CYP26B1: variants seen among roughly 807,000 people sequenced by gnomAD.
CYP26B1 encodes the protein cytochrome P450 family 26 subfamily B member 1, also known as cytochrome P450 26B1.
In CYP26B1, 8 loss-of-function variants were observed where a neutral mutation model predicts 39.1. The observed-to-expected ratio is 0.20, with a 90% CI of 0.12 to 0.37. The LOEUF (loss-of-function observed/expected upper bound fraction) is 0.37. Ranked by LOEUF, CYP26B1 falls within the 10% of genes least tolerant of loss-of-function variation. CYP26B1 has a pLI of 1.00. For missense variants in CYP26B1, 615 were observed against 707.0 expected (o/e 0.87, Z 1.48); for synonymous variants, 321 against 314.3 (o/e 1.02, Z -0.23).
Position 72,133,259 on chromosome 2 carries a change from C to T in CYP26B1, c.910G>A (p.Ala304Thr), listed in dbSNP as rs1265502262. ...AGCTGCATGATGAGTGAGGTGCTGG[C>T]GCTGGCCGTGGTGGCATAGGCCGCA... ...IFAAYATTAS[A>T]STSLIMQLLK... Residue 304 changes from alanine (A) to threonine (T), a missense_variant, in exon 5 of 6, where the codon GCC becomes ACC. Coordinates refer to ENST00000001146, the MANE Select transcript of CYP26B1 (RefSeq NM_019885.4). 7 of 1,610,782 alleles carry T rather than the reference C, an allele frequency of 4.3e-6. No individual in the cohort carries two copies. Among genetic ancestry groups the T allele is most frequent in the African/African-American group, 2.7e-5 (2 of 74,944 alleles).
chr2:72,140,475 A>G (rs1353289462), intron 2 of CYP26B1, among the ~76,000 whole-genome samples: 1 of 152,258 alleles, frequency 6.6e-6, no homozygotes, highest in Non-Finnish European at 1.5e-5. Context: ...TCCCAGCAGC[A>G]GAGCTGCCTG....
chr2:72,141,903 A>G (rs1276354506), intron 2 of CYP26B1, among the ~76,000 whole-genome samples: 1 of 152,132 alleles, frequency 6.6e-6, no homozygotes, highest in Non-Finnish European at 1.5e-5. Context: ...CCACGTGGCA[A>G]GCATAAAACT....
At position 72,144,008 on chromosome 2, in the gene CYP26B1, A is replaced by C; in HGVS notation, c.410T>G (p.Ile137Ser). Residue 137 changes from isoleucine to serine, a missense_variant, in exon 2 of 6, where the codon ATC (isoleucine) becomes AGC (serine). Transcript: ENST00000001146. ...TCTTACCTTGCGCTTGTTGCGGTGGATGTCGCCAATGGAATTGGACACCGT... is the reference window on the plus strand; with the variant it reads ...TCTTACCTTGCGCTTGTTGCGGTGGCTGTCGCCAATGGAATTGGACACCGT... ...PNTVSNSIGD[I>S]HRNKRKVFSK... 1 of 1,613,560 alleles carries C rather than the reference A, an allele frequency of 6.2e-7. No homozygotes were observed. Among genetic ancestry groups the C allele is most frequent in the Non-Finnish European group, 8.5e-7 (1 of 1,180,008 alleles).
chr2:72,147,765 G>C lies in CYP26B1; in HGVS notation c.70C>G (p.Leu24Val). The C allele has an allele frequency of 1.3e-6, 2 of 1,582,104 alleles. No individual in the cohort carries two copies. The highest frequency in any genetic ancestry group is 1.7e-6 in the Non-Finnish European group (2 of 1,165,182). Residue 24 changes from leucine to valine, a missense_variant, in exon 1 of 6, where the codon CTG becomes GTG. Leu to Val is a conservative substitution (Grantham distance 32). Coordinates refer to ENST00000001146, the MANE Select transcript of CYP26B1 (RefSeq NM_019885.4). The surrounding 1 kb of genome is among the most constrained non-coding windows in gnomAD (Gnocchi z 6.1). ...AGCTGCTGCGACACGGCCAGCAGCA[G>C]CGTCACGGACACCAGGCACGCGGCG... ...TLAACLVSVTLLLAVSQQLWQ... is the reference protein window; with the variant it reads ...TLAACLVSVTVLLAVSQQLWQ...
chr2:72,147,585 C>G lies in CYP26B1; in HGVS notation c.204+46G>C, dbSNP rs1238513315. The G allele has an allele frequency of 3.2e-6, 5 of 1,555,574 alleles. No homozygotes were observed. Among genetic ancestry groups the G allele is most frequent in the South Asian group, 1.2e-5 (1 of 84,372 alleles). On this transcript the variant is annotated intron_variant, in intron 1 of 5. Transcript: ENST00000001146. The surrounding 1 kb of genome is among the most constrained non-coding windows in gnomAD (Gnocchi z 6.1). ...CCCGCCGCTCCGTCTGCCCCGCGCT[C>G]GCAGCTAGCGGACCCCGGAGTGCAG...
Position 72,129,874 on chromosome 2 carries a change from A to C in CYP26B1, c.*2353T>G, listed in dbSNP as rs1412656685. On this transcript the variant is annotated 3_prime_UTR_variant, in exon 6 of 6. Coordinates refer to ENST00000001146, the MANE Select transcript of CYP26B1 (RefSeq NM_019885.4). Reference sequence around the variant, plus strand: ...CACAGACACGGGCATCTCACTAGAGAGCTGAAAGGAGGGACCAATTACAAC... The same window carrying C: ...CACAGACACGGGCATCTCACTAGAGCGCTGAAAGGAGGGACCAATTACAAC... 1.3e-5 allele frequency: 2 copies of C among 152,226 alleles called. No homozygotes were observed. Among genetic ancestry groups the C allele is most frequent in the Non-Finnish European group, 2.9e-5 (2 of 68,044 alleles). The allele number at this position is 152,226 out of a possible 1,614,324, so 9.4% of individuals were successfully genotyped here.
chr2:72,134,280 G>A (rs947684316), intron 4 of CYP26B1, among the ~76,000 whole-genome samples: 9 of 149,834 alleles, frequency 6.0e-5, no homozygotes, highest in Non-Finnish European at 8.9e-5. Context: ...CAGGTCCTGC[G>A]TGGAGCACAG....
At chr2:72,145,230 C>T (rs541543291) in intron 1 of CYP26B1, among the ~76,000 whole-genome samples, 61 of 152,358 alleles carry the variant, frequency 4.0e-4, no homozygotes, top group African/African-American at 1.4e-3. Context: ...CCCCCTAGCC[C>T]GGGTTGGTCC....
intron 2 of CYP26B1, 102 bp downstream of exon 2, chr2:72,143,887 A>C: frequency 7.2e-7 from 1 of 1,385,706 alleles, no homozygotes; most frequent in Non-Finnish European, 1.0e-6. Flanking sequence ...TGGTGTGCAA[A>C]GGGGGGCACA....
chr2:72,144,840 G>C (rs185181480), intron 1 of CYP26B1, among the ~76,000 whole-genome samples: 5 of 152,294 alleles, frequency 3.3e-5, no homozygotes, highest in Non-Finnish European at 5.9e-5. Flanking sequence ...TGCCGCCCTG[G>C]AGTTTGGAAC....
chr2:72,136,056 C>A (rs528208064), intron 2 of CYP26B1, among the ~76,000 whole-genome samples: 1 of 146,676 alleles, frequency 6.8e-6, no homozygotes, highest in Admixed American at 7.0e-5. Flanking sequence ...CCTTGTCCTC[C>A]GTCCTCCCGG....
chr2:72,134,346 G>A (rs1446369786), intron 4 of CYP26B1, among the ~76,000 whole-genome samples: 5 of 148,234 alleles, frequency 3.4e-5, no homozygotes, highest in East Asian at 4.1e-4. Flanking sequence ...CATGCAAGGC[G>A]CCAGCAACCT....
intron 2 of CYP26B1, among the ~76,000 whole-genome samples, chr2:72,140,701 C>A (rs1676919683): frequency 6.6e-6 from 1 of 152,226 alleles, no homozygotes; most frequent in South Asian, 2.1e-4. Context: ...AACACAGACC[C>A]CAGGAGCACA....
Position 72,147,518 on chromosome 2 carries a change from G to T in CYP26B1, c.204+113C>A. On this transcript the variant is annotated intron_variant, in intron 1 of 5. Coordinates refer to ENST00000001146, the MANE Select transcript of CYP26B1 (RefSeq NM_019885.4). This position sits in a 1 kb window ranked among gnomAD's most constrained non-coding sequence, Gnocchi z 6.1. ...CGGCAGAGAGGAGGGAAGGGGCGGGGCGGGGACCAGTGCCTTCAGGCTCCC... is the reference window on the plus strand; with the variant it reads ...CGGCAGAGAGGAGGGAAGGGGCGGGTCGGGGACCAGTGCCTTCAGGCTCCC... 2 of 1,069,962 alleles carry T rather than the reference G, an allele frequency of 1.9e-6. No individual in the cohort carries two copies. The highest frequency in any genetic ancestry group is 2.6e-6 in the Non-Finnish European group (2 of 779,218). The allele number at this position is 1,069,962 out of a possible 1,614,324, so 66.3% of individuals were successfully genotyped here. A position where few individuals can be genotyped will look rare whatever the true frequency, so the allele number is the denominator to read the frequency against.
At chr2:72,143,934 C>T in intron 2 of CYP26B1, 55 bp downstream of exon 2, 1 of 1,599,744 alleles carries the variant, frequency 6.3e-7, no homozygotes, top group Non-Finnish European at 8.5e-7. Flanking sequence ...TCCAGGAACT[C>T]CTTGCCCCGA....
At chr2:72,132,989 C>T (rs777234851) in intron 5 of CYP26B1, 34 bp downstream of exon 5, 4 of 1,612,820 alleles carry the variant, frequency 2.5e-6, no homozygotes, top group Non-Finnish European at 3.4e-6. Context: ...CCCCTGCTCC[C>T]CCATCGCCCC....
At chr2:72,142,613 C>T (rs1003971105) in intron 2 of CYP26B1, among the ~76,000 whole-genome samples, 3 of 152,202 alleles carry the variant, frequency 2.0e-5, no homozygotes, top group Non-Finnish European at 2.9e-5. Context: ...GGAGCCGAGT[C>T]TCCACTCTCC....
Position 72,133,265 on chromosome 2 carries a change from C to A in CYP26B1, c.904G>T (p.Ala302Ser), listed in dbSNP as rs1676651963. Reference protein sequence around the residue: ...ELIFAAYATTASASTSLIMQL... With the variant: ...ELIFAAYATTSSASTSLIMQL... ...ATGATGAGTGAGGTGCTGGCGCTGG[C>A]CGTGGTGGCATAGGCCGCAAAGATC... is the stretch of plus-strand genomic sequence containing the variant. Residue 302 changes from alanine (A) to serine (S), a missense_variant, in exon 5 of 6, where the codon GCC (alanine) becomes TCC (serine). Coordinates refer to ENST00000001146, the MANE Select transcript of CYP26B1 (RefSeq NM_019885.4). 3.7e-6 allele frequency: 6 copies of A among 1,610,544 alleles called. No individual in the cohort carries two copies. Among genetic ancestry groups the A allele is most frequent in the Non-Finnish European group, 3.4e-6 (4 of 1,179,672 alleles).
At chr2:72,139,325 T>C (rs1463484821) in intron 2 of CYP26B1, among the ~76,000 whole-genome samples, 2 of 152,126 alleles carry the variant, frequency 1.3e-5, no homozygotes, top group African/African-American at 4.8e-5. Flanking sequence ...TACTTTATAT[T>C]CAAGCAAGGG....
Sources: gnomAD v4.1 joint callset for allele counts (sites outside exome capture counted in the v4.1 genomes callset) on GRCh38, gnomAD v4.1.1 for gene constraint, Gnocchi (gnomAD v3.1) non-coding constraint, MANE v1.5 for transcripts, NCBI Gene and HGNC (gene_info 2026-07-23, HGNC 2026-07-21) for gene names.